PIGR: variants seen among roughly 807,000 people sequenced by gnomAD.
PIGR encodes the protein polymeric immunoglobulin receptor.
A neutral mutation model predicts 69.5 loss-of-function variants in PIGR; 22 were observed. The ratio of observed to expected loss-of-function variants is 0.32; its 90% CI spans 0.23 to 0.45. The LOEUF is 0.45. Among genes scored for constraint, PIGR ranks in the 20% least tolerant of loss-of-function variants. PIGR has a pLI of 1.00. For missense variants in PIGR, 885 were observed against 974.0 expected, an observed-to-expected ratio of 0.91 and a Z score of 1.22; for synonymous variants, 413 against 407.6, an observed-to-expected ratio of 1.01 and a Z score of -0.16.
Position 206,930,225 on chromosome 1 carries a change from C to T in PIGR, c.*93G>A. On this transcript the variant is annotated 3_prime_UTR_variant, in exon 11 of 11. Coordinates refer to ENST00000356495, the MANE Select transcript of PIGR (RefSeq NM_002644.4). The surrounding 1 kb of genome is among the most constrained non-coding windows in gnomAD (Gnocchi z 4.3). ...GGAAAAACCTAGGCAGGTGTTAGAG[C>T]AGGGAGTGGGGTCCCCAGGAGCTGA... 9.3e-7 allele frequency: 1 copy of T among 1,080,424 alleles called. No homozygotes were observed. The highest frequency in any genetic ancestry group is 1.3e-6 in the Non-Finnish European group (1 of 756,710). The allele number at this position is 1,080,424 out of a possible 1,614,324, so 66.9% of individuals were successfully genotyped here. A position where few individuals can be genotyped will look rare whatever the true frequency, so the allele number is the denominator to read the frequency against.
chr1:206,937,778 G>A lies in PIGR; in HGVS notation c.389-27C>T, dbSNP rs745968533. 3.7e-6 allele frequency: 6 copies of A among 1,604,268 alleles called. No individual in the cohort carries two copies. The Admixed American group carries it at 5.0e-5, about 13-fold the overall frequency. The stretch of plus-strand genomic sequence containing the variant: ...TGCAGGATGAGGGGTGCAAGGTAGG[G>A]GGCAGGCAAGTTACGATTCTACTTT... On this transcript the variant is annotated intron_variant, in intron 3 of 10. Transcript: ENST00000356495.
rs566065599 is a variant in PIGR at position 206,937,154 on chromosome 1, G to T, written c.986C>A (p.Ser329Ter). 1 of 1,613,400 alleles carries T rather than the reference G, an allele frequency of 6.2e-7. No homozygotes were observed. Among genetic ancestry groups the T allele is most frequent in the Non-Finnish European group, 8.5e-7 (1 of 1,179,688 alleles). Residue 329 changes from serine (S) to a stop codon, truncating the protein, a stop_gained, in exon 4 of 11, where the codon TCG becomes TAG. Transcript: ENST00000356495. LOFTEE classifies it high-confidence loss of function. ...DAGRYLCGAH[S>*]DGQLQEGSPI... is the part of the protein sequence containing the mutation. Reference sequence around the variant, plus strand: ...CGAGCCTTCCTGCAGCTGACCATCCGAATGGGCTCCACACAGGTAGCGCCC... The same window carrying T: ...CGAGCCTTCCTGCAGCTGACCATCCTAATGGGCTCCACACAGGTAGCGCCC...
intron 10 of PIGR, chr1:206,931,182 A>T (rs1679738563): frequency 1.0e-6 from 1 of 985,282 alleles, no homozygotes. Context: ...CCATTTAATC[A>T]CCAGCATTTG....
chr1:206,935,557 G>A lies in PIGR; in HGVS notation c.1307C>T (p.Ala436Val). ...VILNQLTSRD[A>V]GFYWCLTNGD... The stretch of plus-strand genomic sequence containing the variant: ...GTTGGTCAGACACCAGTAGAAGCCG[G>A]CGTCCCGGCTGGTGAGCTGGTTGAG... Residue 436 changes from alanine (A) to valine (V), a missense_variant, in exon 5 of 11, where the codon GCC (alanine) becomes GTC (valine). Transcript: ENST00000356495. This position sits in a 1 kb window ranked among gnomAD's most constrained non-coding sequence, Gnocchi z 4.4. 6.2e-7 allele frequency: 1 copy of A among 1,614,196 alleles called. No homozygotes were observed. Among genetic ancestry groups the A allele is most frequent in the African/African-American group, 1.3e-5 (1 of 75,048 alleles).
At chr1:206,944,230 C>T (rs533494) in intron 1 of PIGR, among the ~76,000 whole-genome samples, 56,176 of 152,068 alleles carry the variant, frequency 0.37, 12,630 homozygotes, top group African/African-American at 0.63. Context: ...ATCCCAGCAC[C>T]TTGGGAGGCT....
chr1:206,935,914 G>T lies in PIGR; in HGVS notation c.1046-96C>A. ...TTCTTCCCGGGGTCTCAGCCAGGAT[G>T]GGGAGTGAAGTTTACACGCATCACC... On this transcript the variant is annotated intron_variant, in intron 4 of 10. Coordinates refer to ENST00000356495, the MANE Select transcript of PIGR (RefSeq NM_002644.4). This position sits in a 1 kb window ranked among gnomAD's most constrained non-coding sequence, Gnocchi z 4.4. The T allele has an allele frequency of 1.2e-6, 1 of 868,276 alleles. No individual in the cohort carries two copies. Among genetic ancestry groups the T allele is most frequent in the Non-Finnish European group, 1.8e-6 (1 of 556,854 alleles). The allele number at this position is 868,276 out of a possible 1,614,324, so 53.8% of individuals were successfully genotyped here.
intron 5 of PIGR, 123 bp from the exon 6 acceptor site, chr1:206,934,869 T>C (rs865881287): frequency 1.7e-6 from 1 of 589,140 alleles, no homozygotes. Flanking sequence ...ATTTTTGTTT[T>C]TGTTTTTGAG....
Position 206,935,528 on chromosome 1 carries a change from C to T in PIGR, c.1336G>A (p.Asp446Asn), listed in dbSNP as rs576560529. 14 of 1,614,066 alleles carry T rather than the reference C, an allele frequency of 8.7e-6. No homozygotes were observed. The highest frequency in any genetic ancestry group is 5.0e-5 in the Admixed American group (3 of 60,022). Residue 446 changes from aspartate to asparagine, a missense_variant, in exon 5 of 11, where the codon GAT (aspartate) becomes AAT (asparagine). By Grantham distance (23) the Asp-to-Asn change is conservative. Transcript: ENST00000356495. The surrounding 1 kb of genome is among the most constrained non-coding windows in gnomAD (Gnocchi z 4.4). Reference sequence around the variant, plus strand: ...TCCACGGTGGTCCTCCAGAGAGTATCGCCGTTGGTCAGACACCAGTAGAAG... The same window carrying T: ...TCCACGGTGGTCCTCCAGAGAGTATTGCCGTTGGTCAGACACCAGTAGAAG... ...AGFYWCLTNG[D>N]TLWRTTVEIK...
In PIGR at chr1:206,932,437, G is replaced by C. The variant is rs1425545258; in HGVS notation, c.2008+19C>G. 2 of 1,600,260 alleles carry C rather than the reference G, an allele frequency of 1.2e-6. No individual in the cohort carries two copies. The highest frequency in any genetic ancestry group is 1.7e-6 in the Non-Finnish European group (2 of 1,174,060). ...GCTCGGGTTGGAGGTGGGAGGCAGG[G>C]AGTATCCCAGGGACTCACCGACGTT... On this transcript the variant is annotated intron_variant, in intron 8 of 10. Transcript: ENST00000356495.
At position 206,934,725 on chromosome 1, in the gene PIGR, G is replaced by C; in HGVS notation, c.1400C>G (p.Pro467Arg). 6.2e-7 allele frequency: 1 copy of C among 1,606,914 alleles called. No homozygotes were observed. The highest frequency in any genetic ancestry group is 8.5e-7 in the Non-Finnish European group (1 of 1,179,070). Residue 467 changes from proline to arginine, a missense_variant, in exon 6 of 11, where the codon CCA (proline) becomes CGA (arginine). Coordinates refer to ENST00000356495, the MANE Select transcript of PIGR (RefSeq NM_002644.4). ...IIEGEPNLKV[P>R]GNVTAVLGET... is the part of the protein sequence containing the mutation. Reference sequence around the variant, plus strand: ...TCCCAGCACAGCCGTGACATTCCCTGGTACCTTGAGGTTTGGTTCTCCTGG... The same window carrying C: ...TCCCAGCACAGCCGTGACATTCCCTCGTACCTTGAGGTTTGGTTCTCCTGG...
In PIGR at chr1:206,933,116, C is replaced by A. The variant is rs1679793086; in HGVS notation, c.1756G>T (p.Val586Leu). ...AKADAAPDEK[V>L]LDSGFREIEN... is the part of the protein sequence containing the mutation. ...ATCTCCCGAAAACCAGAGTCTAGCA[C>A]CTTCTCATCAGGAGCAGCGTCTGCC... is the stretch of plus-strand genomic sequence containing the variant. Residue 586 changes from valine to leucine, a missense_variant, in exon 7 of 11, where the codon GTG (valine) becomes TTG (leucine). Physicochemically the swap from Val to Leu is conservative, Grantham distance 32. Transcript: ENST00000356495. The A allele has an allele frequency of 6.2e-7, 1 of 1,614,194 alleles. No homozygotes were observed. Among genetic ancestry groups the A allele is most frequent in the East Asian group, 2.2e-5 (1 of 44,886 alleles).
rs551891015 is a variant in PIGR, at chr1:206,940,910, G to A, written c.-53-326C>T. Among the ~76,000 whole-genome samples the A allele has an allele frequency of 2.0e-5, 3 of 152,324 alleles. No homozygotes were observed. In the East Asian group the frequency reaches 5.8e-4, roughly 29 times the overall value. On this transcript the variant is annotated intron_variant, in intron 1 of 10. Coordinates refer to ENST00000356495, the MANE Select transcript of PIGR (RefSeq NM_002644.4). ...CACCGTAAGATCTCAGGAATGGCTT[G>A]CTGGGTGATTGGTTCCTACCAATAC...
intron 6 of PIGR, among the ~76,000 whole-genome samples, chr1:206,933,727 C>T (rs541731994): frequency 6.0e-4 from 91 of 152,180 alleles, no homozygotes; most frequent in African/African-American, 2.0e-3. Flanking sequence ...GGCCCTCTTT[C>T]GAGGGCGAGC....
intron 5 of PIGR, 43 bp from the exon 6 acceptor site, chr1:206,934,789 C>T: frequency 7.1e-7 from 1 of 1,404,736 alleles, no homozygotes; most frequent in Non-Finnish European, 9.9e-7. Flanking sequence ...GAAGTTGGTA[C>T]TTGGAGATGC....
chr1:206,935,784 C>G lies in PIGR; in HGVS notation c.1080G>C (p.Lys360Asn). Reference protein sequence around the residue: ...STIPRSPTVVKGVAGGSVAVL... With the variant: ...STIPRSPTVVNGVAGGSVAVL... ...CGGCCACAGAGCCTCCTGCCACCCC[C>G]TTCACCACAGTGGGGCTGCGGGGAA... The change falls in exon 5 of 11, where the codon AAG becomes AAC. Residue 360 changes from lysine to asparagine, a missense_variant. Coordinates refer to ENST00000356495, the MANE Select transcript of PIGR (RefSeq NM_002644.4). This position sits in a 1 kb window ranked among gnomAD's most constrained non-coding sequence, Gnocchi z 4.4. The G allele has an allele frequency of 6.2e-7, 1 of 1,610,558 alleles. No individual in the cohort carries two copies.
Position 206,935,868 on chromosome 1 carries a change from C to G in PIGR, c.1046-50G>C, listed in dbSNP as rs376735440. On this transcript the variant is annotated intron_variant, in intron 4 of 10. Coordinates refer to ENST00000356495, the MANE Select transcript of PIGR (RefSeq NM_002644.4). This position sits in a 1 kb window ranked among gnomAD's most constrained non-coding sequence, Gnocchi z 4.4. ...TGGGAGGATGGCCACGCAGGAAGAG[C>G]CTTGCGTGGCCTGAGAAGCCTTCTT... is the stretch of plus-strand genomic sequence containing the variant. 9.9e-5 allele frequency: 137 copies of G among 1,387,034 alleles called. No individual in the cohort carries two copies. The Middle Eastern group carries it at 2.4e-3, about 25-fold the overall frequency. 85.9% of individuals were successfully genotyped at this position (1,387,034 alleles called of 1,614,324 possible).
chr1:206,931,902 G>A (rs1226388879), intron 8 of PIGR, 100 bp from the exon 9 acceptor site: 1 of 1,296,916 alleles, frequency 7.7e-7, no homozygotes, highest in Non-Finnish European at 1.1e-6. Context: ...TAGCCCTGCA[G>A]GACAGCTGAG....
chr1:206,930,711 G>T lies in PIGR; in HGVS notation c.2200-298C>A. On this transcript the variant is annotated intron_variant, in intron 10 of 10. Transcript: ENST00000356495. This position sits in a 1 kb window ranked among gnomAD's most constrained non-coding sequence, Gnocchi z 4.3. The stretch of plus-strand genomic sequence containing the variant: ...CGGAAGCTGCCCACACAGTCCACGG[G>T]CAAGGTGGCCTAGGCTGGGGTCAAC... The T allele has an allele frequency of 2.0e-6, 2 of 985,418 alleles. No homozygotes were observed. The highest frequency in any genetic ancestry group is 2.4e-6 in the Non-Finnish European group (2 of 829,922). 61.0% of individuals were successfully genotyped at this position (985,418 alleles called of 1,614,324 possible).
chr1:206,937,671 C>T lies in PIGR; in HGVS notation c.469G>A (p.Glu157Lys). The T allele has an allele frequency of 6.2e-7, 1 of 1,613,918 alleles. No individual in the cohort carries two copies. Among genetic ancestry groups the T allele is most frequent in the Non-Finnish European group, 8.5e-7 (1 of 1,179,940 alleles). ...TVTINCPFKT[E>K]NAQKRKSLYK... ...AAGGACTTCCTCTTTTGAGCATTCT[C>T]AGTCTTGAAAGGGCAGTTGATGGTC... is the stretch of plus-strand genomic sequence containing the variant. The change falls in exon 4 of 11, where the codon GAG becomes AAG. Residue 157 changes from glutamate (E) to lysine (K), a missense_variant. Glu to Lys is a moderately conservative substitution (Grantham distance 56). Transcript: ENST00000356495.
Sources: allele counts gnomAD v4.1 joint callset (sites outside exome capture counted in the v4.1 genomes callset), GRCh38; gene constraint gnomAD v4.1.1; non-coding constraint Gnocchi (gnomAD v3.1); transcripts MANE v1.5; gene names NCBI Gene and HGNC (gene_info 2026-07-23, HGNC 2026-07-21).